The following FAM98B variants were observed in gnomAD, a reference collection of about 807,000 sequenced individuals.
The protein encoded by FAM98B is tRNA splicing ligase complex subunit 3B, also known as tRNA-splicing ligase complex subunit FAM98B.
FAM98B carries 32 observed loss-of-function variants against 43.9 expected under a neutral mutation model. The ratio of observed to expected loss-of-function variants is 0.73; its 90% confidence interval spans 0.55 to 0.98. The LOEUF (loss-of-function observed/expected upper bound fraction) is 0.98, where lower values mean the gene tolerates loss of function less well. Ranked by LOEUF, FAM98B falls within the 50% of genes least tolerant of loss-of-function variation. The probability of loss-of-function intolerance (pLI) is 0.00; values close to 1 mark genes in which losing one functional copy is unlikely to be tolerated. For missense variants in FAM98B, 514 were observed against 522.9 expected (o/e 0.98, Z 0.17); for synonymous variants, 190 against 174.0 (o/e 1.09, Z -0.72).
intron 4 of FAM98B, 117 bp downstream of exon 4, chr15:38,470,522 A>C: frequency 1.2e-5 from 11 of 943,626 alleles, no homozygotes; most frequent in Non-Finnish European, 1.6e-5. Context: ...TCAAGAGTTT[A>C]TCTTCATATA....
intron 4 of FAM98B, among the ~76,000 whole-genome samples, chr15:38,472,483 A>T (rs993546962): frequency 1.3e-5 from 2 of 152,030 alleles, no homozygotes; most frequent in Non-Finnish European, 2.9e-5. Context: ...TTCTAAGCTA[A>T]TTTTTTTAAA....
intron 4 of FAM98B, 117 bp downstream of exon 4, chr15:38,470,522 A>G: frequency 1.1e-6 from 1 of 943,626 alleles, no homozygotes; most frequent in East Asian, 3.1e-5. Flanking sequence ...TCAAGAGTTT[A>G]TCTTCATATA....
At chr15:38,466,990 G>T (rs760689577) in intron 3 of FAM98B, among the ~76,000 whole-genome samples, 5 of 151,496 alleles carry the variant, frequency 3.3e-5, no homozygotes, top group Non-Finnish European at 7.4e-5. Context: ...CTTGTTTTTT[G>T]AAAAACTAAA....
chr15:38,469,978 G>A (rs1231132935), intron 3 of FAM98B, among the ~76,000 whole-genome samples: 1 of 151,968 alleles, frequency 6.6e-6, no homozygotes, highest in African/African-American at 2.4e-5. Context: ...ATTTAATAGG[G>A]TGTCTATTTT....
chr15:38,454,865 C>G (rs993314392), intron 1 of FAM98B, among the ~76,000 whole-genome samples: 2 of 152,192 alleles, frequency 1.3e-5, no homozygotes, highest in African/African-American at 4.8e-5. Flanking sequence ...GCGCAGGCTG[C>G]AAGTCTGCTG....
rs1271156799 is a variant in FAM98B at position 38,485,069 on chromosome 15, C to G, written c.*410C>G. 6.4e-6 allele frequency: 1 copy of G among 155,958 alleles called. No individual in the cohort carries two copies. The highest frequency in any genetic ancestry group is 1.4e-5 in the Non-Finnish European group (1 of 70,970). 9.7% of individuals were successfully genotyped at this position (155,958 alleles called of 1,614,324 possible). On this transcript the variant is annotated 3_prime_UTR_variant, in exon 8 of 8. Coordinates refer to ENST00000397609, the MANE Select transcript of FAM98B (RefSeq NM_173611.4). Reference sequence around the variant, plus strand: ...ACCTGTAATAGAAAGGAATATAGACCCTTGCCTCACCTGTATTGCTGTGGA... The same window carrying G: ...ACCTGTAATAGAAAGGAATATAGACGCTTGCCTCACCTGTATTGCTGTGGA...
In FAM98B at chr15:38,481,432, G is replaced by A; in HGVS notation, c.870G>A (p.Arg290=). 6.2e-7 allele frequency: 1 copy of A among 1,614,124 alleles called. No individual in the cohort carries two copies. Among genetic ancestry groups the A allele is most frequent in the Non-Finnish European group, 8.5e-7 (1 of 1,180,010 alleles). The change falls in exon 7 of 8, where the codon CGG becomes CGA. Residue 290 remains arginine (R), a synonymous_variant. Transcript: ENST00000397609. ...KIIRTSSGTS[R]EKTACAINKV... Reference sequence around the variant, plus strand: ...TTAGGACAAGTAGTGGCACCAGCCGGGAGAAGACCGCATGTGCCATTAATA... The same window carrying A: ...TTAGGACAAGTAGTGGCACCAGCCGAGAGAAGACCGCATGTGCCATTAATA...
chr15:38,465,225 T>C (rs779598647), intron 2 of FAM98B, 44 bp from the exon 3 acceptor site: 6 of 1,562,796 alleles, frequency 3.8e-6, no homozygotes, highest in African/African-American at 2.8e-5. Flanking sequence ...TTGGATTATA[T>C]GGTAAATGCT....
chr15:38,473,582 G>A lies in FAM98B; in HGVS notation c.609G>A (p.Gln203=), dbSNP rs1305691774. Residue 203 remains glutamine, a synonymous_variant, in exon 5 of 8, where the codon CAG becomes CAA. Coordinates refer to ENST00000397609, the MANE Select transcript of FAM98B (RefSeq NM_173611.4). ...TGAAAATGGATTTAAATTCAGAACA[G>A]GCGGTAAATCCCCCTTTTTGTTATT... ...PLLKMDLNSE[Q]AEQLERINDA... is the part of the protein sequence containing the mutation. 6.2e-7 allele frequency: 1 copy of A among 1,606,234 alleles called. No homozygotes were observed. The highest frequency in any genetic ancestry group is 1.3e-5 in the African/African-American group (1 of 74,618).
In FAM98B at chr15:38,465,251, G is replaced by T; in HGVS notation, c.218-18G>T. The stretch of plus-strand genomic sequence containing the variant: ...GGTAAATGCTCAGTAAATGTTTTAT[G>T]ATTTTTCTTTTTTAAAGGAAGAGAT... On this transcript the variant is annotated intron_variant, in intron 2 of 7. Coordinates refer to ENST00000397609, the MANE Select transcript of FAM98B (RefSeq NM_173611.4). The T allele has an allele frequency of 6.3e-7, 1 of 1,594,990 alleles. No homozygotes were observed. The highest frequency in any genetic ancestry group is 8.5e-7 in the Non-Finnish European group (1 of 1,175,018).
intron 6 of FAM98B, 45 bp downstream of exon 6, chr15:38,474,343 A>C (rs770612384): frequency 2.3e-6 from 3 of 1,330,700 alleles, no homozygotes; most frequent in Non-Finnish European, 3.2e-6. Context: ...GTAGCCTATA[A>C]CAGCTCTTCT....
chr15:38,470,454 G>A (rs755267816), intron 4 of FAM98B, 49 bp downstream of exon 4: 33 of 1,454,800 alleles, frequency 2.3e-5, no homozygotes, highest in African/African-American at 1.6e-4. Flanking sequence ...ATGGTAACAT[G>A]TAAGTGCTAT....
At chr15:38,473,330 C>CT (rs1890152540) in intron 4 of FAM98B, among the ~76,000 whole-genome samples, 175 bp from the exon 5 acceptor site, 1 of 151,952 alleles carries the variant, frequency 6.6e-6, no homozygotes, top group African/African-American at 2.4e-5. Context: ...ATATAATGTG[C>CT]TTTTTTGAAA....
At chr15:38,456,403 T>C (rs1889849983) in intron 1 of FAM98B, among the ~76,000 whole-genome samples, 1 of 152,214 alleles carries the variant, frequency 6.6e-6, no homozygotes, top group African/African-American at 2.4e-5. Flanking sequence ...CTGCATATTT[T>C]TAAAAAGATT....
Position 38,474,305 on chromosome 15 carries a change from C to G in FAM98B, c.729+7C>G. On this transcript the variant is annotated splice_region_variant and intron_variant, in intron 6 of 7. Coordinates refer to ENST00000397609, the MANE Select transcript of FAM98B (RefSeq NM_173611.4). ...ATGGTCTGATAGAGCAAAGGTAAGG[C>G]TGTTTTCCCATATGTGTCCTGTAGG... is the stretch of plus-strand genomic sequence containing the variant. 4 of 1,594,944 alleles carry G rather than the reference C, an allele frequency of 2.5e-6. No homozygotes were observed. Among genetic ancestry groups the G allele is most frequent in the Non-Finnish European group, 2.6e-6 (3 of 1,163,964 alleles).
At chr15:38,458,851 A>G in intron 1 of FAM98B, 1 of 482,932 alleles carries the variant, frequency 2.1e-6, no homozygotes, top group Non-Finnish European at 4.2e-6. Context: ...CCATGTCATC[A>G]AACCAGGACT....
rs115079120 is a variant in FAM98B, at chr15:38,461,309, C to T, written c.72-2723C>T. ...GAGTCATAGAAGAACCAGCCTTGAG[C>T]TGGGGGGTGCAGAAATAATATTCTA... is the stretch of plus-strand genomic sequence containing the variant. On this transcript the variant is annotated intron_variant, in intron 1 of 7. Transcript: ENST00000397609. Among the ~76,000 whole-genome samples the T allele has an allele frequency of 4.4e-3, 672 of 152,232 alleles. 4 individuals are homozygous for T. Among genetic ancestry groups the T allele is most frequent in the African/African-American group, 0.016 (648 of 41,544 alleles).
chr15:38,476,235 T>C (rs1207466803), intron 6 of FAM98B, among the ~76,000 whole-genome samples: 2 of 152,204 alleles, frequency 1.3e-5, no homozygotes, highest in Non-Finnish European at 2.9e-5. Context: ...AGTGCTGCCA[T>C]TAAGAAAACT....
At chr15:38,482,907 G>C (rs1220132390) in intron 7 of FAM98B, 3 of 152,148 alleles carry the variant, frequency 2.0e-5, no homozygotes, top group Admixed American at 1.3e-4. Context: ...GCATAGTAAA[G>C]GAATTATATT....
Sources: gnomAD v4.1 joint callset for allele counts (sites outside exome capture counted in the v4.1 genomes callset) on GRCh38, gnomAD v4.1.1 for gene constraint, MANE v1.5 for transcripts, NCBI Gene and HGNC (gene_info 2026-07-23, HGNC 2026-07-21) for gene names.